The following TPM4 variants were observed in gnomAD, a reference collection of about 807,000 sequenced individuals.
TPM4 encodes tropomyosin 4.
A neutral mutation model predicts 35.8 loss-of-function variants in TPM4; 17 were observed. The observed-to-expected ratio is 0.47, with a 90% CI of 0.32 to 0.71. The LOEUF (loss-of-function observed/expected upper bound fraction) is 0.71. Ranked by LOEUF, TPM4 falls within the 30% of genes least tolerant of loss-of-function variation. The probability of loss-of-function intolerance (pLI) is 0.03; values close to 1 mark genes in which losing one functional copy is unlikely to be tolerated. For synonymous variants in TPM4, 120 were observed against 122.9 expected, an observed-to-expected ratio of 0.98 and a Z score of 0.15; for missense variants, 240 against 320.9, an observed-to-expected ratio of 0.75 and a Z score of 1.93.
At position 16,070,922 on chromosome 19, in the gene TPM4, C is replaced by A. The variant is rs536023520; in HGVS notation, c.114+3184C>A. ...GCTTCTAGCCATCATTTAGCCCTCACCATGAGGGACTTAGCCAGAGATTCG... is the reference window on the plus strand; with the variant it reads ...GCTTCTAGCCATCATTTAGCCCTCAACATGAGGGACTTAGCCAGAGATTCG... On this transcript the variant is annotated intron_variant, in intron 2 of 2. Coordinates refer to the TPM4 transcript ENST00000589897. This position sits in a 1 kb window ranked among gnomAD's most constrained non-coding sequence, Gnocchi z 7.4. Among the ~76,000 whole-genome samples, 227 of 152,342 alleles carry A rather than the reference C, an allele frequency of 1.5e-3. 1 individual carries two copies. The highest frequency in any genetic ancestry group is 5.3e-3 in the African/African-American group (220 of 41,580).
At chr19:16,076,165 C>T (rs1427239399), upstream of TPM4, 1 of 1,558,542 alleles carries the variant, frequency 6.4e-7, no homozygotes, top group Non-Finnish European at 8.7e-7. Flanking sequence ...GAGAAGAAGG[C>T]CTCCGACGTA....
Position 16,076,556 on chromosome 19 carries a change from C to A in TPM4, c.-10C>A. The A allele has an allele frequency of 6.9e-7, 1 of 1,456,894 alleles. No individual in the cohort carries two copies. The highest frequency in any genetic ancestry group is 9.0e-7 in the Non-Finnish European group (1 of 1,109,904). The allele number at this position is 1,456,894 out of a possible 1,614,324, so 90.2% of individuals were successfully genotyped here. Reference sequence around the variant, plus strand: ...CCGCCGCTGCCCGTGCGCCTCTGCGCCTCCGCGCCATGGCCGGCCTCAACT... The same window carrying A: ...CCGCCGCTGCCCGTGCGCCTCTGCGACTCCGCGCCATGGCCGGCCTCAACT... On this transcript the variant is annotated 5_prime_UTR_variant, in exon 1 of 8. Coordinates refer to ENST00000643579, the MANE Select transcript of TPM4 (RefSeq NM_003290.3).
rs76946384 is a variant in TPM4, at chr19:16,092,224, A to T, written c.532-1312A>T. Among the ~76,000 whole-genome samples the T allele has an allele frequency of 3.2e-3, 483 of 151,834 alleles. 2 individuals carry two copies. The highest frequency in any genetic ancestry group is 0.011 in the African/African-American group (471 of 41,438). On this transcript the variant is annotated intron_variant, in intron 5 of 7. Coordinates refer to ENST00000643579, the MANE Select transcript of TPM4 (RefSeq NM_003290.3). ...AAAGTATAATTTCTGATGGGTCATC[A>T]TGGGGAGGGGAACATTCCATGCTAA...
At position 16,078,830 on chromosome 19, in the gene TPM4, TA is replaced by T. The variant is rs55714667; in HGVS notation, c.132+2152del. Reference sequence around the variant, plus strand: ...AAAGGAACTAAGACCAGGGGTGGGTTAAAAAAAAAAAAAAAAAAACCTTTCA... The same window carrying T: ...AAAGGAACTAAGACCAGGGGTGGGTTAAAAAAAAAAAAAAAAAACCTTTCA... On this transcript the variant is annotated intron_variant, in intron 1 of 7. Coordinates refer to ENST00000643579, the MANE Select transcript of TPM4 (RefSeq NM_003290.3). Among the ~76,000 whole-genome samples, 697 of 126,350 alleles carry T rather than the reference TA, an allele frequency of 5.5e-3. 5 individuals carry two copies. The highest frequency in any genetic ancestry group is 0.034 in the South Asian group (135 of 3,942). 82.9% of individuals were successfully genotyped at this position (126,350 alleles called of 152,430 possible).
At chr19:16,077,327 C>T (rs2090422692) in intron 1 of TPM4, 1 of 152,158 alleles carries the variant, frequency 6.6e-6, no homozygotes, top group Non-Finnish European at 1.5e-5. Context: ...GCCCGCCTTT[C>T]TCCAGCTGAT....
chr19:16,100,400 A>T (rs369534369), intron 7 of TPM4: 1 of 152,266 alleles, frequency 6.6e-6, no homozygotes, highest in African/African-American at 2.4e-5. Flanking sequence ...TTACACTAAA[A>T]TATTATTTGT....
intron 7 of TPM4, among the ~76,000 whole-genome samples, chr19:16,094,402 G>A (rs2090668672): frequency 1.3e-5 from 2 of 151,780 alleles, no homozygotes; most frequent in South Asian, 4.2e-4. Flanking sequence ...AGGCGTGGTG[G>A]TGCACGCCTG....
Position 16,081,982 on chromosome 19 carries a change from G to A in TPM4, c.202G>A (p.Glu68Lys), listed in dbSNP as rs2090489020. 6.2e-7 allele frequency: 1 copy of A among 1,611,626 alleles called. No individual in the cohort carries two copies. Among genetic ancestry groups the A allele is most frequent in the Non-Finnish European group, 8.5e-7 (1 of 1,178,072 alleles). The change falls in exon 2 of 8, where the codon GAA (glutamate) becomes AAA (lysine). Residue 68 changes from glutamate to lysine, a missense_variant. Transcript: ENST00000643579. Reference sequence around the variant, plus strand: ...TGAGGAGGAGTTGGACAGGGCTCAGGAACGACTGGCCACGGCCCTGCAGAA... The same window carrying A: ...TGAGGAGGAGTTGGACAGGGCTCAGAAACGACTGGCCACGGCCCTGCAGAA... Reference protein sequence around the residue: ...LVEEELDRAQERLATALQKLE... With the variant: ...LVEEELDRAQKRLATALQKLE...
rs571221604 is a variant in TPM4 at position 16,070,073 on chromosome 19, TAG to T, written c.114+2338_114+2339del. Among the ~76,000 whole-genome samples, 130 of 150,854 alleles carry T rather than the reference TAG, an allele frequency of 8.6e-4. 1 individual carries two copies. Among genetic ancestry groups the T allele is most frequent in the Admixed American group, 2.5e-3 (38 of 15,098 alleles). On this transcript the variant is annotated intron_variant, in intron 2 of 2. Coordinates refer to the TPM4 transcript ENST00000589897. The surrounding 1 kb of genome is among the most constrained non-coding windows in gnomAD (Gnocchi z 7.4). ...TGGGGTCTGGGGACTGGGATGGGAG[TAG>T]AGTTGAGAGTGAGTCTGAGAATCTC... is the stretch of plus-strand genomic sequence containing the variant.
chr19:16,082,847 C>T (rs1043111682), intron 2 of TPM4, among the ~76,000 whole-genome samples: 4 of 152,072 alleles, frequency 2.6e-5, no homozygotes, highest in East Asian at 1.9e-4. Flanking sequence ...CAAAAATTAG[C>T]CGGGTGTGGT....
chr19:16,074,552 A>G (rs1314959289), upstream of TPM4: 1 of 152,264 alleles, frequency 6.6e-6, no homozygotes, highest in African/African-American at 2.4e-5. Flanking sequence ...AATTACCATC[A>G]CATGGAGATG....
chr19:16,099,078 G>GTGTGTGTGTT (rs1555711800), intron 7 of TPM4, among the ~76,000 whole-genome samples: 114 of 150,382 alleles, frequency 7.6e-4, no homozygotes, highest in Admixed American at 1.1e-3. Context: ...CTCTGTGTGT[G>GTGTGTGTGTT]TGTGTGTGTG....
At chr19:16,068,169 C>CGTGTGT (rs35984570) in intron 2 of TPM4, among the ~76,000 whole-genome samples, 42 of 148,686 alleles carry the variant, frequency 2.8e-4, no homozygotes, top group African/African-American at 5.9e-4. Flanking sequence ...TGCATGTGTG[C>CGTGTGT]GTGTGTGTGT....
chr19:16,097,160 G>T (rs2144962438), intron 7 of TPM4, among the ~76,000 whole-genome samples: 1 of 151,792 alleles, frequency 6.6e-6, no homozygotes, highest in South Asian at 2.1e-4. Flanking sequence ...CACCATGTTA[G>T]CTAGGCTGGT....
rs1387644402 is a variant in TPM4, at chr19:16,067,621, A to C, written c.-4A>C. ...CCCCACGTCCCCCACGCCAGCGCCC[A>C]GCCATGGAGGCCATCAAGAAGAAAA... On this transcript the variant is annotated 5_prime_UTR_variant, in exon 2 of 3. Transcript: ENST00000589897. The surrounding 1 kb of genome is among the most constrained non-coding windows in gnomAD (Gnocchi z 4.1). The C allele has an allele frequency of 1.2e-6, 2 of 1,612,716 alleles. No individual in the cohort carries two copies. Among genetic ancestry groups the C allele is most frequent in the African/African-American group, 2.7e-5 (2 of 74,888 alleles).
upstream of TPM4, chr19:16,076,142 G>A (rs765340322): frequency 7.6e-6 from 12 of 1,572,492 alleles, no homozygotes; most frequent in Non-Finnish European, 9.5e-6. Context: ...CGCAGGAGAA[G>A]CTGGAGCTCA....
At chr19:16,071,064 G>A (rs570476505) in intron 2 of TPM4, among the ~76,000 whole-genome samples, 1 of 152,318 alleles carries the variant, frequency 6.6e-6, no homozygotes, top group South Asian at 2.1e-4. Context: ...GCGTGGCCAA[G>A]GAGGTTATGC....
At position 16,081,906 on chromosome 19, in the gene TPM4, T is replaced by G. The variant is rs1195777976; in HGVS notation, c.133-7T>G. The G allele has an allele frequency of 1.9e-6, 3 of 1,587,286 alleles. No homozygotes were observed. The East Asian group carries it at 6.8e-5, about 36-fold the overall frequency. On this transcript the variant is annotated splice_region_variant and splice_polypyrimidine_tract_variant and intron_variant, in intron 1 of 7. Transcript: ENST00000643579. ...TCTTAACATGGCTGCACCTCCGACC[T>G]CCCCAGGCTGAAGGTGATGTGGCCG...
intron 1 of TPM4, chr19:16,080,329 A>G (rs2090467666): frequency 4.8e-6 from 1 of 207,754 alleles, no homozygotes; most frequent in African/African-American, 2.3e-5. Context: ...ATGTGTGAGG[A>G]TGAAATTGCA....
Sources: gnomAD v4.1 joint callset for allele counts (sites outside exome capture counted in the v4.1 genomes callset) on GRCh38, gnomAD v4.1.1 for gene constraint, Gnocchi (gnomAD v3.1) non-coding constraint, MANE v1.5 for transcripts, NCBI Gene and HGNC (gene_info 2026-07-23, HGNC 2026-07-21) for gene names.